LYZL4: variants seen among roughly 807,000 people sequenced by gnomAD.
LYZL4 encodes lysozyme like 4, also known as lysozyme-like protein 4.
A neutral mutation model predicts 17.6 loss-of-function variants in LYZL4; 13 were observed. The observed-to-expected ratio is 0.74, with a 90% CI of 0.48 to 1.18. The LOEUF (loss-of-function observed/expected upper bound fraction) is 1.18, where lower values mean the gene tolerates loss of function less well. Ranked by LOEUF, LYZL4 falls within the 50% of genes most tolerant of loss-of-function variation. The pLI, the probability that LYZL4 is intolerant of heterozygous loss-of-function variation, is 0.00. For missense variants in LYZL4, 174 were observed against 188.2 expected (o/e 0.92, Z 0.44); for synonymous variants, 64 against 67.7 (o/e 0.95, Z 0.27).
chr3:42,408,173 G>A (rs1559457387), intron 1 of LYZL4, among the ~76,000 whole-genome samples: 1 of 152,104 alleles, frequency 6.6e-6, no homozygotes, highest in African/African-American at 2.4e-5. Flanking sequence ...ACTGAGGAAT[G>A]TCCCCAAAGC....
the LYZL4 span, among the ~76,000 whole-genome samples, chr3:42,364,372 T>C: frequency 4.0e-5 from 6 of 150,188 alleles, no homozygotes; most frequent in Non-Finnish European, 8.9e-5. Flanking sequence ...GGCGGAGTCT[T>C]GCTCTTGTCG....
the LYZL4 span, among the ~76,000 whole-genome samples, chr3:42,363,919 C>T: frequency 2.7e-3 from 412 of 152,290 alleles, 2 homozygotes; most frequent in African/African-American, 9.4e-3. Context: ...GAAATTTAGG[C>T]TCAGTCAGGA....
intron 4 of LYZL4, among the ~76,000 whole-genome samples, chr3:42,398,289 C>T (rs940175159): frequency 2.0e-5 from 3 of 152,180 alleles, no homozygotes; most frequent in African/African-American, 4.8e-5. Context: ...TGCCTGTTAG[C>T]TTAATTAGCT....
the LYZL4 span, among the ~76,000 whole-genome samples, chr3:42,386,497 T>C: frequency 1.3e-5 from 2 of 148,916 alleles, no homozygotes; most frequent in South Asian, 2.1e-4. Flanking sequence ...ATCTTTAACT[T>C]AGTCACATCT....
At chr3:42,407,033 C>A in intron 2 of LYZL4, 35 bp from the exon 3 acceptor site, 1 of 1,613,936 alleles carries the variant, frequency 6.2e-7, no homozygotes, top group South Asian at 1.1e-5. Flanking sequence ...ACTCTGAGGA[C>A]AGCTGGAGTT....
the LYZL4 span, among the ~76,000 whole-genome samples, chr3:42,364,040 C>T: frequency 2.0e-5 from 3 of 152,178 alleles, no homozygotes; most frequent in Admixed American, 2.0e-4. Flanking sequence ...GTGACCCTCC[C>T]AGAACACAAG....
intron 4 of LYZL4, among the ~76,000 whole-genome samples, chr3:42,399,137 C>T (rs572584486): frequency 7.9e-5 from 12 of 152,194 alleles, no homozygotes; most frequent in African/African-American, 2.7e-4. Context: ...AACAGAATGA[C>T]ATCACTTTAC....
At chr3:42,372,152 A>G in the LYZL4 span, among the ~76,000 whole-genome samples, 1 of 152,226 alleles carries the variant, frequency 6.6e-6, no homozygotes, top group East Asian at 1.9e-4. Flanking sequence ...GGGCTTGGTC[A>G]GGCAGGGGAG....
chr3:42,370,967 A>G, the LYZL4 span, among the ~76,000 whole-genome samples: 1 of 152,100 alleles, frequency 6.6e-6, no homozygotes, highest in African/African-American at 2.4e-5. Context: ...GCTGCATCCA[A>G]CCGAAACAAC....
the LYZL4 span, among the ~76,000 whole-genome samples, chr3:42,386,395 G>GCCCCCCCCCCCCCCCCCCC: frequency 1.9e-5 from 2 of 107,462 alleles, no homozygotes; most frequent in Non-Finnish European, 1.9e-5. Flanking sequence ...GAGCCACCAC[G>GCCCCCCCCCCCCCCCCCCC]CCCCCCCCCC....
At chr3:42,365,389 T>C in the LYZL4 span, among the ~76,000 whole-genome samples, 1 of 152,210 alleles carries the variant, frequency 6.6e-6, no homozygotes, top group Admixed American at 6.5e-5. Flanking sequence ...AAGAGTTTAT[T>C]TCACGCTCTC....
chr3:42,370,584 C>T, the LYZL4 span, among the ~76,000 whole-genome samples: 1 of 152,176 alleles, frequency 6.6e-6, no homozygotes, highest in South Asian at 2.1e-4. Flanking sequence ...TGTTGTGAAC[C>T]ACTAAGATTT....
downstream of LYZL4, among the ~76,000 whole-genome samples, chr3:42,393,917 G>A (rs574037171): frequency 9.9e-5 from 15 of 152,166 alleles, no homozygotes; most frequent in African/African-American, 3.6e-4. Flanking sequence ...TCAGCCTCAC[G>A]GGCAGCTGGG....
the LYZL4 span, among the ~76,000 whole-genome samples, chr3:42,367,735 C>A: frequency 6.6e-6 from 1 of 152,186 alleles, no homozygotes; most frequent in African/African-American, 2.4e-5. Flanking sequence ...AGGTGTGTGA[C>A]CTATTCTGTC....
chr3:42,371,310 T>C, the LYZL4 span, among the ~76,000 whole-genome samples: 1 of 152,192 alleles, frequency 6.6e-6, no homozygotes, highest in Non-Finnish European at 1.5e-5. Context: ...CTCATCCCCA[T>C]TAATCACTTT....
At chr3:42,395,148 A>C (rs1698534254), downstream of LYZL4, among the ~76,000 whole-genome samples, 1 of 152,208 alleles carries the variant, frequency 6.6e-6, no homozygotes, top group Admixed American at 6.5e-5. Context: ...TCGTTACTGA[A>C]CTTGAGTAAA....
At chr3:42,397,417 T>A in intron 4 of LYZL4, 83 bp from the exon 5 acceptor site, 1 of 918,160 alleles carries the variant, frequency 1.1e-6, no homozygotes, top group Non-Finnish European at 1.7e-6. Context: ...TCAGGCCATT[T>A]ACACCTGCCT....
At chr3:42,372,328 G>A in the LYZL4 span, among the ~76,000 whole-genome samples, 1 of 152,208 alleles carries the variant, frequency 6.6e-6, no homozygotes, top group African/African-American at 2.4e-5. Flanking sequence ...GCCTCAAAGA[G>A]TTGATGTGAG....
chr3:42,407,444 T>C, intron 1 of LYZL4, 101 bp from the exon 2 acceptor site: 1 of 685,992 alleles, frequency 1.5e-6, no homozygotes, highest in Middle Eastern at 4.1e-4. Context: ...CTCTGCTTCG[T>C]GTCACTGCAA....
Sources: gnomAD v4.1 joint callset for allele counts (sites outside exome capture counted in the v4.1 genomes callset) on GRCh38, gnomAD v4.1.1 for gene constraint, MANE v1.5 for transcripts, NCBI Gene and HGNC (gene_info 2026-07-23, HGNC 2026-07-21) for gene names.